ARFGEF2: variants seen among roughly 807,000 people sequenced by gnomAD.
ARFGEF2 encodes brefeldin A-inhibited guanine nucleotide-exchange protein 2.
Under a neutral mutation model 219.9 loss-of-function variants are expected in ARFGEF2, and 74 were observed. That is an observed-to-expected ratio of 0.34 (90% CI 0.28 to 0.41). The LOEUF (loss-of-function observed/expected upper bound fraction) is 0.41. Among genes scored for constraint, ARFGEF2 ranks in the 10% least tolerant of loss-of-function variants. ARFGEF2 has a pLI of 1.00. For missense variants in ARFGEF2, 1,743 were observed against 2,218.3 expected, an observed-to-expected ratio of 0.79 and a Z score of 4.30; for synonymous variants, 733 against 799.2, an observed-to-expected ratio of 0.92 and a Z score of 1.40.
intron 7 of ARFGEF2, among the ~76,000 whole-genome samples, 171 bp from the exon 8 acceptor site, chr20:48,965,701 T>C (rs947012183): frequency 6.6e-6 from 1 of 152,180 alleles, no homozygotes; most frequent in African/African-American, 2.4e-5. Context: ...GGCTTAAGCA[T>C]CACTTTGGCC....
chr20:49,020,627 G>T (rs372582862), intron 34 of ARFGEF2, among the ~76,000 whole-genome samples: 1 of 152,052 alleles, frequency 6.6e-6, no homozygotes, highest in African/African-American at 2.4e-5. Context: ...TTTATTTTTT[G>T]TAGAGATGGG....
At position 49,018,941 on chromosome 20, in the gene ARFGEF2, G is replaced by C. The variant is rs762113220; in HGVS notation, c.4567G>C (p.Gly1523Arg). Residue 1523 changes from glycine (G) to arginine (R), a missense_variant, in exon 34 of 39, where the codon GGA becomes CGA. By Grantham distance (125) the Gly-to-Arg change is moderately radical (BLOSUM62 -2). Transcript: ENST00000371917. ...SSIDKNPSER[G>R]QSQLSNPTDD... is the part of the protein sequence containing the mutation. The stretch of plus-strand genomic sequence containing the variant: ...CATAGATAAAAATCCCTCTGAGAGG[G>C]GACAGAGCCAGCTCTCTAACCCAAC... 2.5e-6 allele frequency: 4 copies of C among 1,614,024 alleles called. No homozygotes were observed. Among genetic ancestry groups the C allele is most frequent in the South Asian group, 2.2e-5 (2 of 91,066 alleles).
intron 6 of ARFGEF2, among the ~76,000 whole-genome samples, chr20:48,958,191 C>A (rs928806335): frequency 6.6e-6 from 1 of 152,122 alleles, no homozygotes; most frequent in Admixed American, 6.5e-5. Context: ...AACACACAGG[C>A]CTAATAAAAA....
intron 6 of ARFGEF2, among the ~76,000 whole-genome samples, chr20:48,962,530 G>C (rs1030003944): frequency 1.3e-5 from 2 of 152,176 alleles, no homozygotes; most frequent in African/African-American, 4.8e-5. Flanking sequence ...TGTGGCAAAA[G>C]CCATGAAGGT....
chr20:49,019,070 A>AG, intron 34 of ARFGEF2, 72 bp downstream of exon 34: 1 of 1,284,732 alleles, frequency 7.8e-7, no homozygotes, highest in Non-Finnish European at 1.1e-6. Context: ...AAGGCACAAA[A>AG]GGGTAAACAT....
At chr20:48,985,687 G>T in intron 16 of ARFGEF2, 74 bp downstream of exon 16, 1 of 1,498,970 alleles carries the variant, frequency 6.7e-7, no homozygotes, top group Non-Finnish European at 9.2e-7. Flanking sequence ...ATTTGGTTGG[G>T]GTTTAATCTT....
intron 38 of ARFGEF2, 62 bp from the exon 39 acceptor site, chr20:49,032,961 A>G: frequency 7.9e-6 from 12 of 1,509,886 alleles, no homozygotes; most frequent in Non-Finnish European, 1.1e-5. Context: ...ACACTTCTGA[A>G]AAACTGGTGC....
intron 1 of ARFGEF2, among the ~76,000 whole-genome samples, chr20:48,927,754 A>G (rs1161700625): frequency 6.6e-6 from 1 of 152,202 alleles, no homozygotes; most frequent in African/African-American, 2.4e-5. Context: ...GAAATGCAGA[A>G]TAAAGCCTTT....
chr20:49,022,426 C>CA (rs1392587516), intron 34 of ARFGEF2, among the ~76,000 whole-genome samples: 5 of 142,084 alleles, frequency 3.5e-5, no homozygotes, highest in Admixed American at 2.1e-4. Context: ...ACAACAACAA[C>CA]AACAAAAAAA....
At chr20:48,976,392 A>G (rs1379536825) in intron 14 of ARFGEF2, among the ~76,000 whole-genome samples, 193 bp downstream of exon 14, 2 of 152,150 alleles carry the variant, frequency 1.3e-5, no homozygotes, top group African/African-American at 4.8e-5. Context: ...GAGAGAGAAA[A>G]CTTTAATACC....
intron 6 of ARFGEF2, among the ~76,000 whole-genome samples, chr20:48,961,407 C>T (rs1449174566): frequency 6.6e-6 from 1 of 152,124 alleles, no homozygotes; most frequent in Admixed American, 6.6e-5. Context: ...TCTTCCACCT[C>T]CACATCTTGT....
chr20:48,968,399 A>G (rs549905327), intron 8 of ARFGEF2, among the ~76,000 whole-genome samples: 2 of 151,648 alleles, frequency 1.3e-5, no homozygotes, highest in East Asian at 1.9e-4. Context: ...TTATCCTGCA[A>G]TAGTTGCAAT....
Position 48,984,810 on chromosome 20 carries a change from A to G in ARFGEF2, c.2040A>G (p.Gln680=). ...MLGTSVEDIA[Q]FLHQEERLDS... is the part of the protein sequence containing the mutation. Reference sequence around the variant, plus strand: ...GAACGTCAGTTGAAGACATAGCCCAATTCCTGCACCAGGAGGAGCGCCTGG... The same window carrying G: ...GAACGTCAGTTGAAGACATAGCCCAGTTCCTGCACCAGGAGGAGCGCCTGG... Residue 680 remains glutamine, a synonymous_variant, in exon 15 of 39, where the codon CAA becomes CAG. Coordinates refer to ENST00000371917, the MANE Select transcript of ARFGEF2 (RefSeq NM_006420.3). 1.9e-6 allele frequency: 3 copies of G among 1,613,072 alleles called. No homozygotes were observed. Among genetic ancestry groups the G allele is most frequent in the Non-Finnish European group, 2.5e-6 (3 of 1,180,032 alleles).
intron 1 of ARFGEF2, among the ~76,000 whole-genome samples, chr20:48,939,893 A>T (rs1236848463): frequency 6.6e-6 from 1 of 152,216 alleles, no homozygotes; most frequent in African/African-American, 2.4e-5. Flanking sequence ...AACTAGTGCC[A>T]TATCCACTCT....
intron 12 of ARFGEF2, among the ~76,000 whole-genome samples, chr20:48,973,727 G>A (rs1405077817): frequency 6.6e-6 from 1 of 152,160 alleles, no homozygotes; most frequent in Non-Finnish European, 1.5e-5. Context: ...ATGCTTAACT[G>A]TAGGTTTCTG....
chr20:48,929,240 A>G (rs1285850954), intron 1 of ARFGEF2, among the ~76,000 whole-genome samples: 1 of 152,232 alleles, frequency 6.6e-6, no homozygotes, highest in East Asian at 1.9e-4. Flanking sequence ...TTGGGTGTAA[A>G]CAAGCCTTCT....
intron 1 of ARFGEF2, among the ~76,000 whole-genome samples, chr20:48,927,384 AC>A (rs2090884493): frequency 6.6e-6 from 1 of 152,152 alleles, no homozygotes; most frequent in African/African-American, 2.4e-5. Context: ...AATATAAAAA[AC>A]ATCTCTAAAT....
At position 48,963,885 on chromosome 20, in the gene ARFGEF2, A is replaced by G; in HGVS notation, c.894A>G (p.Thr298=). The G allele has an allele frequency of 1.2e-6, 2 of 1,613,964 alleles. No individual in the cohort carries two copies. The highest frequency in any genetic ancestry group is 1.1e-5 in the South Asian group (1 of 91,052). Residue 298 remains threonine (T), a synonymous_variant, in exon 7 of 39, where the codon ACA becomes ACG. Transcript: ENST00000371917. ...AGGACATCTTGGAAGATGTAGTCAC[A>G]TCTGCCATTAAAGGTAAGAACCAAG... is the stretch of plus-strand genomic sequence containing the variant. The part of the protein sequence containing the change: ...VVKDILEDVV[T]SAIKEAAEKH...
intron 6 of ARFGEF2, among the ~76,000 whole-genome samples, chr20:48,958,179 T>C (rs1241803798): frequency 1.3e-5 from 2 of 152,186 alleles, no homozygotes; most frequent in Non-Finnish European, 2.9e-5. Flanking sequence ...CACCTACATA[T>C]AAACACACAG....
Sources: allele counts gnomAD v4.1 joint callset (sites outside exome capture counted in the v4.1 genomes callset), GRCh38; gene constraint gnomAD v4.1.1; transcripts MANE v1.5; gene names NCBI Gene and HGNC (gene_info 2026-07-23, HGNC 2026-07-21).